The following CDC14A variants were observed in gnomAD, a reference collection of about 807,000 sequenced individuals.
CDC14A encodes dual specificity protein phosphatase CDC14A.
CDC14A carries 53 observed loss-of-function variants against 74.4 expected under a neutral mutation model. The observed-to-expected ratio is 0.71, with a 90% CI of 0.57 to 0.89. CDC14A has a LOEUF of 0.89. CDC14A is among the 40% of genes least tolerant of loss of function. The probability of loss-of-function intolerance (pLI) is 0.00; values close to 1 mark genes in which losing one functional copy is unlikely to be tolerated. For missense variants in CDC14A, 646 were observed against 713.7 expected (o/e 0.91, Z 1.08); for synonymous variants, 247 against 258.4 (o/e 0.96, Z 0.43).
At chr1:100,455,734 C>T (rs1666618888) in intron 8 of CDC14A, among the ~76,000 whole-genome samples, 1 of 152,118 alleles carries the variant, frequency 6.6e-6, no homozygotes, top group Non-Finnish European at 1.5e-5. Context: ...TTCACTTTAC[C>T]TGACCCCCAA....
At chr1:100,512,681 A>T (rs1355439103) in intron 15 of CDC14A, among the ~76,000 whole-genome samples, 3 of 152,334 alleles carry the variant, frequency 2.0e-5, no homozygotes, top group Admixed American at 2.0e-4. Context: ...TCTATTAAAA[A>T]TCATGTAGGA....
chr1:100,492,610 C>T (rs966231028), intron 11 of CDC14A, among the ~76,000 whole-genome samples: 4 of 152,180 alleles, frequency 2.6e-5, no homozygotes, highest in Admixed American at 6.5e-5. Flanking sequence ...CTTAGTAGTA[C>T]ACTATGACTG....
chr1:100,465,394 A>G (rs1557789307), intron 9 of CDC14A, among the ~76,000 whole-genome samples: 1 of 152,136 alleles, frequency 6.6e-6, no homozygotes, highest in Non-Finnish European at 1.5e-5. Context: ...TTGCACACAC[A>G]CGTAGGATTC....
intron 2 of CDC14A, among the ~76,000 whole-genome samples, chr1:100,367,280 T>C (rs1024914169): frequency 6.6e-6 from 1 of 152,230 alleles, no homozygotes; most frequent in African/African-American, 2.4e-5. Flanking sequence ...ATTATTTTCA[T>C]TGATTATCAA....
At chr1:100,406,087 G>A (rs816091) in intron 4 of CDC14A, among the ~76,000 whole-genome samples, 4,392 of 152,190 alleles carry the variant, frequency 0.029, 170 homozygotes, top group African/African-American at 0.086. Context: ...GGCATGAGAT[G>A]GTATCTCATT....
intron 5 of CDC14A, among the ~76,000 whole-genome samples, chr1:100,437,070 CA>C (rs939685316): frequency 4.6e-5 from 7 of 152,122 alleles, no homozygotes; most frequent in African/African-American, 1.7e-4. Flanking sequence ...CCTGTAGTCC[CA>C]GCTAATTCAG....
intron 7 of CDC14A, among the ~76,000 whole-genome samples, chr1:100,450,665 G>T (rs1666045573): frequency 1.3e-5 from 2 of 152,222 alleles, no homozygotes; most frequent in Admixed American, 6.5e-5. Flanking sequence ...AGGGGACCCA[G>T]TGTTTCCGTA....
intron 2 of CDC14A, among the ~76,000 whole-genome samples, chr1:100,371,865 C>T (rs1654524794): frequency 6.6e-6 from 1 of 152,116 alleles, no homozygotes. Flanking sequence ...AGTGTTGCTT[C>T]CATTAACCCA....
chr1:100,459,964 C>CTT, intron 8 of CDC14A, among the ~76,000 whole-genome samples: 1 of 152,316 alleles, frequency 6.6e-6, no homozygotes, highest in Non-Finnish European at 1.5e-5. Flanking sequence ...TATTTGGAGT[C>CTT]TTAACAGATA....
chr1:100,485,175 A>G, intron 11 of CDC14A: 6 of 985,368 alleles, frequency 6.1e-6, no homozygotes, highest in Non-Finnish European at 7.2e-6. Context: ...TTGAAACACC[A>G]TTTGTTTGGT....
chr1:100,368,645 T>C (rs1431654797), intron 2 of CDC14A, among the ~76,000 whole-genome samples: 2 of 152,210 alleles, frequency 1.3e-5, no homozygotes, highest in African/African-American at 2.4e-5. Flanking sequence ...TATACAAGCA[T>C]ATTTTGTGAT....
intron 2 of CDC14A, among the ~76,000 whole-genome samples, chr1:100,367,168 A>G (rs1428775290): frequency 1.3e-5 from 2 of 152,126 alleles, no homozygotes; most frequent in African/African-American, 2.4e-5. Flanking sequence ...ACTTATTTCT[A>G]CCATCTCCTC....
intron 15 of CDC14A, among the ~76,000 whole-genome samples, chr1:100,514,298 T>C (rs974727948): frequency 1.3e-5 from 2 of 152,210 alleles, no homozygotes; most frequent in African/African-American, 4.8e-5. Flanking sequence ...AATCAACTCA[T>C]AATACTTAAG....
intron 2 of CDC14A, among the ~76,000 whole-genome samples, chr1:100,354,643 T>A (rs1651630379): frequency 1.3e-5 from 2 of 152,236 alleles, no homozygotes; most frequent in African/African-American, 4.8e-5. Context: ...TATCAGATAA[T>A]AAGAAATAAG....
In CDC14A at chr1:100,495,863, A is replaced by G. The variant is rs2270692; in HGVS notation, c.1251-139A>G. 0.97 allele frequency: 645,323 copies of G among 664,892 alleles called. 314,251 individuals carry two copies. Among genetic ancestry groups the G allele is most frequent in the Non-Finnish European group, 1 (373,996 of 375,680 alleles). 41.2% of individuals were successfully genotyped at this position (664,892 alleles called of 1,614,324 possible). ...GGGATAGCAAGCCTGGTTCTGGGTAATCTAATATCCATTTGCAAGGTTTCT... is the reference window on the plus strand; with the variant it reads ...GGGATAGCAAGCCTGGTTCTGGGTAGTCTAATATCCATTTGCAAGGTTTCT... On this transcript the variant is annotated intron_variant, in intron 12 of 15. Coordinates refer to ENST00000336454, the MANE Select transcript of CDC14A (RefSeq NM_003672.4).
chr1:100,430,652 T>C (rs1663545568), intron 5 of CDC14A, among the ~76,000 whole-genome samples: 1 of 152,234 alleles, frequency 6.6e-6, no homozygotes, highest in Non-Finnish European at 1.5e-5. Context: ...CATGTGCTGG[T>C]AGACGTTAGA....
intron 11 of CDC14A, among the ~76,000 whole-genome samples, chr1:100,488,654 G>C (rs957345216): frequency 6.6e-6 from 1 of 152,174 alleles, no homozygotes; most frequent in African/African-American, 2.4e-5. Context: ...ATATTAATTA[G>C]ATACAGGTGC....
intron 10 of CDC14A, among the ~76,000 whole-genome samples, chr1:100,476,951 G>C (rs1291957461): frequency 6.6e-6 from 1 of 152,188 alleles, no homozygotes; most frequent in Non-Finnish European, 1.5e-5. Context: ...GAGGGACCCA[G>C]GGGGAGCCAT....
At chr1:100,396,544 G>C (rs1036302647) in intron 4 of CDC14A, among the ~76,000 whole-genome samples, 2 of 152,182 alleles carry the variant, frequency 1.3e-5, no homozygotes, top group East Asian at 1.9e-4. Context: ...TTGTAGTCAT[G>C]ACTGAGCCAA....
Sources: allele counts gnomAD v4.1 joint callset (sites outside exome capture counted in the v4.1 genomes callset), GRCh38; gene constraint gnomAD v4.1.1; transcripts MANE v1.5; gene names NCBI Gene and HGNC (gene_info 2026-07-23, HGNC 2026-07-21).